The following AGMO variants were observed in gnomAD, a reference collection of about 807,000 sequenced individuals.
AGMO encodes the protein glyceryl-ether monooxygenase.
AGMO carries 75 observed loss-of-function variants against 60.2 expected under a neutral mutation model. The ratio of observed to expected loss-of-function variants is 1.25; its 90% CI spans 1.03 to 1.51. The LOEUF (loss-of-function observed/expected upper bound fraction) is 1.51, where lower values mean the gene tolerates loss of function less well. Among genes scored for constraint, AGMO ranks in the 40% most tolerant of loss-of-function variants. The probability of loss-of-function intolerance (pLI) is 0.00; values close to 1 mark genes in which losing one functional copy is unlikely to be tolerated. For missense variants in AGMO, 763 were observed against 525.5 expected, an observed-to-expected ratio of 1.45 and a Z score of -4.42; for synonymous variants, 261 against 177.1, an observed-to-expected ratio of 1.47 and a Z score of -3.76.
At chr7:15,194,399 A>G in the AGMO span, among the ~76,000 whole-genome samples, 1 of 152,236 alleles carries the variant, frequency 6.6e-6, no homozygotes, top group African/African-American at 2.4e-5. Flanking sequence ...AATATATATA[A>G]GTAAAATAAC....
chr7:15,221,590 G>A (rs567444099), intron 12 of AGMO, among the ~76,000 whole-genome samples: 4 of 152,120 alleles, frequency 2.6e-5, no homozygotes, highest in Admixed American at 2.0e-4. Flanking sequence ...TCTCCTTGGT[G>A]AGAAGCAGGA....
intron 12 of AGMO, among the ~76,000 whole-genome samples, chr7:15,331,962 A>T (rs1424098427): frequency 6.6e-6 from 1 of 152,062 alleles, no homozygotes; most frequent in Non-Finnish European, 1.5e-5. Context: ...AGTCCTGCCA[A>T]TGGAATGGGA....
chr7:15,450,343 C>T (rs1306024031), intron 3 of AGMO, among the ~76,000 whole-genome samples: 2 of 151,352 alleles, frequency 1.3e-5, no homozygotes, highest in Admixed American at 1.3e-4. Flanking sequence ...TGGCATGAAC[C>T]CAGGGGGCAG....
intron 12 of AGMO, among the ~76,000 whole-genome samples, chr7:15,229,412 T>C (rs1782185230): frequency 6.6e-6 from 1 of 151,020 alleles, no homozygotes; most frequent in African/African-American, 2.4e-5. Flanking sequence ...ATAAAATAAA[T>C]AAAAGCTATC....
At chr7:15,190,736 A>G in the AGMO span, among the ~76,000 whole-genome samples, 2 of 152,168 alleles carry the variant, frequency 1.3e-5, no homozygotes, top group Non-Finnish European at 2.9e-5. Context: ...ATCAAAACAG[A>G]AAGAGTTTTA....
chr7:15,468,558 C>A (rs927422374), intron 3 of AGMO, among the ~76,000 whole-genome samples: 1 of 151,930 alleles, frequency 6.6e-6, no homozygotes, highest in African/African-American at 2.4e-5. Flanking sequence ...CTTATACACA[C>A]AAATCATATA....
chr7:15,430,180 C>A (rs1032720531), intron 4 of AGMO, among the ~76,000 whole-genome samples: 1 of 151,904 alleles, frequency 6.6e-6, no homozygotes, highest in Non-Finnish European at 1.5e-5. Flanking sequence ...TGGTATCTAA[C>A]AAAAGTACCT....
At chr7:15,347,379 G>C (rs557166159) in intron 12 of AGMO, among the ~76,000 whole-genome samples, 1 of 152,112 alleles carries the variant, frequency 6.6e-6, no homozygotes, top group South Asian at 2.1e-4. Flanking sequence ...CACAACTGAT[G>C]AAAGCTGACA....
chr7:15,321,578 G>C (rs1284682463), intron 12 of AGMO, among the ~76,000 whole-genome samples: 1 of 152,072 alleles, frequency 6.6e-6, no homozygotes, highest in Non-Finnish European at 1.5e-5. Flanking sequence ...TCTACACTTA[G>C]CATTTGTAGA....
chr7:15,476,706 A>G (rs770260542), intron 3 of AGMO, among the ~76,000 whole-genome samples: 1 of 152,100 alleles, frequency 6.6e-6, no homozygotes, highest in Non-Finnish European at 1.5e-5. Flanking sequence ...TGTTCGTTAG[A>G]TTATGTCGGC....
chr7:15,386,776 A>C (rs1310287540), intron 9 of AGMO, among the ~76,000 whole-genome samples: 1 of 152,188 alleles, frequency 6.6e-6, no homozygotes, highest in Non-Finnish European at 1.5e-5. Flanking sequence ...CACAACTTAT[A>C]TTCTAAATGA....
At chr7:15,416,904 C>T (rs949116578) in intron 5 of AGMO, among the ~76,000 whole-genome samples, 12 of 152,214 alleles carry the variant, frequency 7.9e-5, no homozygotes, top group Admixed American at 7.2e-4. Flanking sequence ...CTTAATACTC[C>T]TCCCACTCCA....
At chr7:15,237,755 A>G (rs1340116196) in intron 12 of AGMO, among the ~76,000 whole-genome samples, 2 of 152,112 alleles carry the variant, frequency 1.3e-5, no homozygotes, top group Non-Finnish European at 2.9e-5. Context: ...CAGCTTGACC[A>G]AAGTGTAGAC....
At chr7:15,455,942 TC>T (rs1273975441) in intron 3 of AGMO, among the ~76,000 whole-genome samples, 3 of 152,106 alleles carry the variant, frequency 2.0e-5, no homozygotes, top group Non-Finnish European at 4.4e-5. Context: ...AAAACTGCCT[TC>T]CCTGAGGTCT....
At chr7:15,295,218 T>G (rs940752397) in intron 12 of AGMO, among the ~76,000 whole-genome samples, 4 of 151,978 alleles carry the variant, frequency 2.6e-5, no homozygotes, top group Admixed American at 1.3e-4. Flanking sequence ...ACAGGCCTCA[T>G]TCATATTAAG....
At chr7:15,245,142 A>G (rs921341843) in intron 12 of AGMO, among the ~76,000 whole-genome samples, 1 of 152,210 alleles carries the variant, frequency 6.6e-6, no homozygotes, top group Admixed American at 6.5e-5. Flanking sequence ...GTACCCTAGT[A>G]GATTAGGGTA....
intron 12 of AGMO, among the ~76,000 whole-genome samples, chr7:15,271,532 A>G (rs1190340595): frequency 5.3e-5 from 8 of 152,154 alleles, no homozygotes. Flanking sequence ...TTGAAAATTT[A>G]CAGAAGTCAT....
At chr7:15,414,597 C>T (rs993799490) in intron 5 of AGMO, among the ~76,000 whole-genome samples, 1 of 151,738 alleles carries the variant, frequency 6.6e-6, no homozygotes, top group Non-Finnish European at 1.5e-5. Flanking sequence ...CATCTAGCTC[C>T]TTGCCAGAGC....
chr7:15,127,864 T>C, the AGMO span, among the ~76,000 whole-genome samples: 2 of 152,262 alleles, frequency 1.3e-5, no homozygotes, highest in South Asian at 4.1e-4. Context: ...TAGCTTTTTT[T>C]AGAATCCATC....
Sources: allele counts gnomAD v4.1 joint callset (sites outside exome capture counted in the v4.1 genomes callset), GRCh38; gene constraint gnomAD v4.1.1; transcripts MANE v1.5; gene names NCBI Gene and HGNC (gene_info 2026-07-23, HGNC 2026-07-21).